ARAP2: variants seen among roughly 807,000 people sequenced by gnomAD.
ARAP2 encodes the protein arf-GAP with Rho-GAP domain, ANK repeat and PH domain-containing protein 2.
A neutral mutation model predicts 194.5 loss-of-function variants in ARAP2; 148 were observed. The ratio of observed to expected loss-of-function variants is 0.76; its 90% confidence interval spans 0.67 to 0.87. The LOEUF is 0.87. Ranked by LOEUF, ARAP2 falls within the 40% of genes least tolerant of loss-of-function variation. ARAP2 has a pLI of 0.00. For missense variants in ARAP2, 2,128 were observed against 1,989.7 expected (o/e 1.07, Z -1.32); for synonymous variants, 695 against 683.5 (o/e 1.02, Z -0.26).
At chr4:36,064,576 G>T (rs1004205161), downstream of ARAP2, among the ~76,000 whole-genome samples, 16 of 152,222 alleles carry the variant, frequency 1.1e-4, no homozygotes, top group African/African-American at 3.9e-4. Flanking sequence ...TGGTCCTGCA[G>T]CTCAGGTGGG....
intron 7 of ARAP2, among the ~76,000 whole-genome samples, chr4:36,193,067 T>G (rs1239560375): frequency 2.0e-5 from 3 of 152,168 alleles, no homozygotes; most frequent in African/African-American, 7.2e-5. Flanking sequence ...CCAAGAGATG[T>G]GTTTATACCG....
At chr4:36,050,873 G>T (rs2048376) in intron 3 of ARAP2, among the ~76,000 whole-genome samples, 112,695 of 152,072 alleles carry the variant, frequency 0.74, 42,685 homozygotes, top group Middle Eastern at 0.84. Flanking sequence ...ATTTGCCTAA[G>T]TCTTTTTGGT....
intron 31 of ARAP2, among the ~76,000 whole-genome samples, chr4:36,075,412 T>C (rs1230593790): frequency 6.6e-6 from 1 of 152,156 alleles, no homozygotes; most frequent in Admixed American, 6.6e-5. Context: ...TCAAAAGTCA[T>C]ACAGCACGGA....
chr4:36,016,130 G>T (rs1471445917), intron 6 of ARAP2, among the ~76,000 whole-genome samples: 1 of 152,162 alleles, frequency 6.6e-6, no homozygotes, highest in Admixed American at 6.5e-5. Context: ...TGAATGAACT[G>T]CAGGCATATG....
intron 9 of ARAP2, among the ~76,000 whole-genome samples, chr4:36,171,967 T>C (rs941307284): frequency 1.3e-5 from 2 of 152,132 alleles, no homozygotes; most frequent in African/African-American, 4.8e-5. Context: ...AAAATAGGCA[T>C]GAGCCAGGGA....
At chr4:36,232,099 G>C (rs1751588702) in intron 1 of ARAP2, among the ~76,000 whole-genome samples, 1 of 152,178 alleles carries the variant, frequency 6.6e-6, no homozygotes, top group African/African-American at 2.4e-5. Context: ...TTATCAGCTG[G>C]CAAATGGATC....
intron 2 of ARAP2, among the ~76,000 whole-genome samples, chr4:36,217,620 T>C (rs1748233297): frequency 6.6e-6 from 1 of 151,794 alleles, no homozygotes; most frequent in Non-Finnish European, 1.5e-5. Flanking sequence ...ATCAATTCCA[T>C]CCCCAAATAT....
intron 32 of ARAP2, among the ~76,000 whole-genome samples, chr4:36,072,522 T>C (rs1450673924): frequency 6.6e-6 from 1 of 152,068 alleles, no homozygotes; most frequent in Non-Finnish European, 1.5e-5. Flanking sequence ...CTACAGTCAC[T>C]GTAGGGCGTA....
intron 28 of ARAP2, among the ~76,000 whole-genome samples, chr4:36,087,142 G>A (rs1712096522): frequency 6.6e-6 from 1 of 151,996 alleles, no homozygotes; most frequent in Admixed American, 6.6e-5. Flanking sequence ...ATATTTTACT[G>A]TTGATAATTT....
intron 8 of ARAP2, among the ~76,000 whole-genome samples, chr4:36,185,915 T>C (rs1323299174): frequency 6.6e-6 from 1 of 151,268 alleles, no homozygotes; most frequent in Non-Finnish European, 1.5e-5. Context: ...GAGGCGGAGG[T>C]TGCAGTGAGC....
chr4:36,194,827 G>A (rs1742724147), intron 6 of ARAP2, among the ~76,000 whole-genome samples: 1 of 152,044 alleles, frequency 6.6e-6, no homozygotes, highest in Non-Finnish European at 1.5e-5. Context: ...AAATTTACAT[G>A]TAAATATCTT....
rs1361458344 is a variant in ARAP2 at position 36,158,752 on chromosome 4, A to G, written c.2730T>C (p.Ser910=). ...TACCTTCAAGCAGTTTTTTCTCTGAAGAGAGTTTAGAAGCAGCAGAAGGAG... is the reference window on the plus strand; with the variant it reads ...TACCTTCAAGCAGTTTTTTCTCTGAGGAGAGTTTAGAAGCAGCAGAAGGAG... ...YQAPSAASKL[S]SEKKLLEETN... Residue 910 remains serine (S), a synonymous_variant, in exon 15 of 33, where the codon TCT becomes TCC. Coordinates refer to ENST00000303965, the MANE Select transcript of ARAP2 (RefSeq NM_015230.4). 1 of 1,607,772 alleles carries G rather than the reference A, an allele frequency of 6.2e-7. No individual in the cohort carries two copies. The highest frequency in any genetic ancestry group is 8.5e-7 in the Non-Finnish European group (1 of 1,178,242).
intron 28 of ARAP2, among the ~76,000 whole-genome samples, chr4:36,091,482 T>C (rs1010735269): frequency 6.6e-6 from 1 of 152,184 alleles, no homozygotes; most frequent in South Asian, 2.1e-4. Flanking sequence ...GGAAAGATAC[T>C]AATAAGATTT....
At chr4:36,070,572 T>C (rs1181987927) in intron 32 of ARAP2, among the ~76,000 whole-genome samples, 2 of 152,194 alleles carry the variant, frequency 1.3e-5, no homozygotes, top group Non-Finnish European at 2.9e-5. Flanking sequence ...AATGGTATAA[T>C]GGATGGGTTC....
chr4:36,144,873 T>C (rs919828470), intron 19 of ARAP2, among the ~76,000 whole-genome samples: 23 of 151,884 alleles, frequency 1.5e-4, no homozygotes, highest in Non-Finnish European at 2.8e-4. Flanking sequence ...CCTACATATA[T>C]AAAGACGACA....
At chr4:36,162,826 C>G (rs1179282895) in intron 11 of ARAP2, among the ~76,000 whole-genome samples, 1 of 151,890 alleles carries the variant, frequency 6.6e-6, no homozygotes, top group African/African-American at 2.4e-5. Context: ...ATGGAGCAGA[C>G]AGATTGAGAG....
intron 15 of ARAP2, among the ~76,000 whole-genome samples, chr4:36,157,751 C>A (rs1301063495): frequency 6.6e-6 from 1 of 152,020 alleles, no homozygotes; most frequent in Admixed American, 6.5e-5. Flanking sequence ...TCAGGAAAAT[C>A]TAATAATGCA....
At chr4:36,016,558 T>G (rs542578000) in intron 6 of ARAP2, among the ~76,000 whole-genome samples, 1 of 152,306 alleles carries the variant, frequency 6.6e-6, no homozygotes, top group Admixed American at 6.5e-5. Flanking sequence ...TGTGTTTGCA[T>G]AGAATATCTT....
At chr4:36,030,032 T>C (rs1468945151) in intron 5 of ARAP2, among the ~76,000 whole-genome samples, 1 of 152,128 alleles carries the variant, frequency 6.6e-6, no homozygotes, top group Non-Finnish European at 1.5e-5. Context: ...TTAATTTTTT[T>C]GCCAAAATTT....
Sources: gnomAD v4.1 joint callset for allele counts (sites outside exome capture counted in the v4.1 genomes callset) on GRCh38, gnomAD v4.1.1 for gene constraint, MANE v1.5 for transcripts, NCBI Gene and HGNC (gene_info 2026-07-23, HGNC 2026-07-21) for gene names.